Variants in PLLP observed in about 807,000 individuals in gnomAD.
PLLP encodes the protein plasma membrane proteolipid (plasmolipin).
A neutral mutation model predicts 19.7 loss-of-function variants in PLLP; 15 were observed. That is an observed-to-expected ratio of 0.76 (90% CI 0.51 to 1.17). The LOEUF (loss-of-function observed/expected upper bound fraction) is 1.17. PLLP is among the 50% of genes most tolerant of loss of function. PLLP has a pLI of 0.00. For missense variants in PLLP, 255 were observed against 258.3 expected, an observed-to-expected ratio of 0.99 and a Z score of 0.09; for synonymous variants, 111 against 116.3, an observed-to-expected ratio of 0.95 and a Z score of 0.29.
intron 2 of PLLP, 83 bp downstream of exon 2, chr16:57,261,814 C>A: frequency 2.4e-6 from 3 of 1,251,284 alleles, no homozygotes; most frequent in Non-Finnish European, 2.3e-6. Flanking sequence ...TGTCAGGCCA[C>A]CCCCCCACAC....
chr16:57,260,865 G>A (rs959369122), intron 2 of PLLP, among the ~76,000 whole-genome samples: 1 of 152,230 alleles, frequency 6.6e-6, no homozygotes, highest in Non-Finnish European at 1.5e-5. Flanking sequence ...CTGCACACTT[G>A]AGGCCCTGGC....
chr16:57,259,964 G>A (rs976706077), intron 2 of PLLP, among the ~76,000 whole-genome samples: 10 of 150,564 alleles, frequency 6.6e-5, no homozygotes, highest in Non-Finnish European at 1.0e-4. Flanking sequence ...GCAACAGAGC[G>A]GGACTTTGTC....
intron 1 of PLLP, among the ~76,000 whole-genome samples, chr16:57,265,124 C>T (rs370810404): frequency 6.6e-6 from 1 of 152,232 alleles, no homozygotes; most frequent in Non-Finnish European, 1.5e-5. Context: ...GCACTCTCAC[C>T]GCCGCAAGCA....
intron 1 of PLLP, among the ~76,000 whole-genome samples, chr16:57,266,863 CTTTTT>C (rs34562097): frequency 1.0e-5 from 1 of 97,336 alleles, no homozygotes; most frequent in Admixed American, 1.1e-4. Context: ...GGCACAGGGC[CTTTTT>C]TTTTTTTTTT....
At chr16:57,271,513 T>C (rs1291955683) in intron 1 of PLLP, among the ~76,000 whole-genome samples, 1 of 151,814 alleles carries the variant, frequency 6.6e-6, no homozygotes, top group Non-Finnish European at 1.5e-5. Flanking sequence ...GGCGTGGTGG[T>C]GGGCACCTGT....
At chr16:57,273,259 C>CAA (rs113609632) in intron 1 of PLLP, among the ~76,000 whole-genome samples, 5,797 of 142,724 alleles carry the variant, frequency 0.041, 261 homozygotes, top group South Asian at 0.26. Flanking sequence ...GACTCCATCT[C>CAA]AAAAAAAAAA....
chr16:57,279,477 A>G lies in PLLP; in HGVS notation c.135+4929T>C, dbSNP rs180738960. On this transcript the variant is annotated intron_variant, in intron 1 of 3. Coordinates refer to ENST00000219207, the MANE Select transcript of PLLP (RefSeq NM_015993.3). ...TGCTGGAGCCCAGGAGTTCGAGACC[A>G]GTCTGGGTAACATGATGAAATCCCA... Among the ~76,000 whole-genome samples, 9 of 151,466 alleles carry G rather than the reference A, an allele frequency of 5.9e-5. 1 individual carries two copies. The highest frequency in any genetic ancestry group is 5.3e-4 in the Admixed American group (8 of 15,182).
chr16:57,284,233 G>C (rs898932096), intron 1 of PLLP, among the ~76,000 whole-genome samples, 173 bp downstream of exon 1: 1 of 152,176 alleles, frequency 6.6e-6, no homozygotes, highest in Non-Finnish European at 1.5e-5. Flanking sequence ...GGCGATCTTG[G>C]GGGCGTCCGT....
chr16:57,277,684 C>T (rs1253956233), intron 1 of PLLP, among the ~76,000 whole-genome samples: 4 of 152,192 alleles, frequency 2.6e-5, no homozygotes, highest in African/African-American at 7.2e-5. Context: ...CAGAATATCC[C>T]TAGGTGTATT....
chr16:57,273,741 A>G (rs1901113645), intron 1 of PLLP, among the ~76,000 whole-genome samples: 2 of 152,174 alleles, frequency 1.3e-5, no homozygotes, highest in Admixed American at 1.3e-4. Context: ...GCTGATAAGG[A>G]GTGACCAATG....
At chr16:57,270,558 C>T (rs1019020023) in intron 1 of PLLP, among the ~76,000 whole-genome samples, 82 of 152,132 alleles carry the variant, frequency 5.4e-4, no homozygotes, top group African/African-American at 2.6e-4. Context: ...TGGCCAGGCT[C>T]GGTCCCCACC....
chr16:57,283,026 C>T (rs1901237978), intron 1 of PLLP, among the ~76,000 whole-genome samples: 1 of 152,106 alleles, frequency 6.6e-6, no homozygotes, highest in African/African-American at 2.4e-5. Flanking sequence ...AGTGGCTCTC[C>T]CCATCTGCAG....
intron 1 of PLLP, among the ~76,000 whole-genome samples, chr16:57,275,081 T>C (rs888375292): frequency 3.5e-5 from 5 of 142,332 alleles, no homozygotes. Context: ...CTTATGTGTG[T>C]CTCCAGGGAC....
chr16:57,275,502 C>A (rs1901138319), intron 1 of PLLP, among the ~76,000 whole-genome samples: 1 of 150,852 alleles, frequency 6.6e-6, no homozygotes, highest in African/African-American at 2.4e-5. Flanking sequence ...AATGTTAATA[C>A]ATTCCAGACA....
chr16:57,262,161 C>A, intron 1 of PLLP, 91 bp from the exon 2 acceptor site: 1 of 1,280,390 alleles, frequency 7.8e-7, no homozygotes, highest in Non-Finnish European at 1.1e-6. Flanking sequence ...GTGGCTCATG[C>A]CTGTAATGTC....
At chr16:57,281,249 G>A (rs1458421643) in intron 1 of PLLP, among the ~76,000 whole-genome samples, 2 of 152,134 alleles carry the variant, frequency 1.3e-5, no homozygotes, top group African/African-American at 4.8e-5. Flanking sequence ...CTGTGGAGGA[G>A]GGCTGTGAGA....
chr16:57,274,740 A>C (rs1283017205), intron 1 of PLLP, among the ~76,000 whole-genome samples: 1 of 147,460 alleles, frequency 6.8e-6, no homozygotes, highest in Non-Finnish European at 1.5e-5. Context: ...GGTGTGAGCC[A>C]CTGTGCCTGG....
intron 1 of PLLP, among the ~76,000 whole-genome samples, chr16:57,281,189 C>T (rs1003804682): frequency 6.6e-6 from 1 of 152,204 alleles, no homozygotes; most frequent in Non-Finnish European, 1.5e-5. Flanking sequence ...AGCAGCAAAG[C>T]CACACGTGGT....
In PLLP at chr16:57,275,882, G is replaced by A. The variant is rs565600191; in HGVS notation, c.135+8524C>T. ...TATAATTTCAGCACTTTGGGAGGCC[G>A]AGGCAGGAGTACTGCTTGAGCCCAG... On this transcript the variant is annotated intron_variant, in intron 1 of 3. Transcript: ENST00000219207. 3.3e-5 allele frequency among the ~76,000 whole-genome samples: 5 copies of A among 152,308 alleles called. No homozygotes were observed. The South Asian group carries it at 6.2e-4, about 19-fold the overall frequency.
Sources: allele counts gnomAD v4.1 joint callset (sites outside exome capture counted in the v4.1 genomes callset), GRCh38; gene constraint gnomAD v4.1.1; transcripts MANE v1.5; gene names NCBI Gene and HGNC (gene_info 2026-07-23, HGNC 2026-07-21).